BFAR: variants seen among roughly 807,000 people sequenced by gnomAD.
BFAR encodes RING finger protein 47.
A neutral mutation model predicts 54.4 loss-of-function variants in BFAR; 52 were observed. The ratio of observed to expected loss-of-function variants is 0.96; its 90% confidence interval spans 0.77 to 1.21. BFAR has a LOEUF of 1.21. Ranked by LOEUF, BFAR falls within the 50% of genes most tolerant of loss-of-function variation. BFAR has a pLI of 0.00. For missense variants in BFAR, 571 were observed against 534.0 expected (o/e 1.07, Z -0.68); for synonymous variants, 215 against 204.3 (o/e 1.05, Z -0.45).
rs201642552 is a variant in BFAR, at chr16:14,655,065, G to A, written c.639-1G>A. On this transcript the variant is annotated splice_acceptor_variant, in intron 4 of 7. Coordinates refer to ENST00000261658, the MANE Select transcript of BFAR (RefSeq NM_016561.3). LOFTEE classifies it high-confidence loss of function. Reference sequence around the variant, plus strand: ...ATAAATCTCCTCCTGCCCCTCTACAGGTTGCTTTTAACTTTGACAGAGGAA... The same window carrying A: ...ATAAATCTCCTCCTGCCCCTCTACAAGTTGCTTTTAACTTTGACAGAGGAA... 2.2e-5 allele frequency: 35 copies of A among 1,602,858 alleles called. No individual in the cohort carries two copies. The East Asian group carries it at 6.5e-4, about 30-fold the overall frequency.
chr16:14,639,396 G>A lies in BFAR; in HGVS notation c.-73-4878G>A, dbSNP rs114753340. 7.9e-3 allele frequency among the ~76,000 whole-genome samples: 1,205 copies of A among 151,692 alleles called. 20 individuals are homozygous for A. The highest frequency in any genetic ancestry group is 0.027 in the African/African-American group (1,134 of 41,320). On this transcript the variant is annotated intron_variant, in intron 1 of 7. Transcript: ENST00000261658. ...AATCTTGTATCACTGCATCCTCCAC[G>A]TCCTGGGTGCAAATGATTATCCTGC...
intron 6 of BFAR, 32 bp downstream of exon 6, chr16:14,662,097 T>C (rs367786887): frequency 1.9e-4 from 307 of 1,610,966 alleles, no homozygotes; most frequent in Middle Eastern, 3.3e-4. Flanking sequence ...AATAAAGTTA[T>C]TCCACTGTCA....
chr16:14,641,466 G>T (rs1959624586), intron 1 of BFAR, among the ~76,000 whole-genome samples: 1 of 151,968 alleles, frequency 6.6e-6, no homozygotes, highest in Admixed American at 6.6e-5. Flanking sequence ...GTGCAGGAGG[G>T]TGTGAACCCA....
chr16:14,650,800 C>A (rs912883506), intron 4 of BFAR, among the ~76,000 whole-genome samples: 5 of 152,124 alleles, frequency 3.3e-5, no homozygotes, highest in Admixed American at 6.6e-5. Context: ...ATGCTATGAT[C>A]GTTCATGTGC....
intron 4 of BFAR, among the ~76,000 whole-genome samples, chr16:14,651,755 T>C (rs951128183): frequency 6.6e-6 from 1 of 151,938 alleles, no homozygotes; most frequent in Non-Finnish European, 1.5e-5. Flanking sequence ...GTTGTGATTA[T>C]AGGCATGAGC....
chr16:14,664,896 T>C lies in BFAR; in HGVS notation c.985T>C (p.Trp329Arg), dbSNP rs760068553. 20 of 1,613,934 alleles carry C rather than the reference T, an allele frequency of 1.2e-5. No individual in the cohort carries two copies. The highest frequency in any genetic ancestry group is 2.7e-5 in the African/African-American group (2 of 74,934). ...LDLKEPTWKQ[W>R]REFLVKYSFL... ...TCTTAAGGAGCCTACGTGGAAGCAG[T>C]GGAGAGAGTTCCTGGTCAAATACTC... Residue 329 changes from tryptophan (W) to arginine (R), a missense_variant, in exon 7 of 8, where the codon TGG becomes CGG. Coordinates refer to ENST00000261658, the MANE Select transcript of BFAR (RefSeq NM_016561.3).
At position 14,662,046 on chromosome 16, in the gene BFAR, A is replaced by T; in HGVS notation, c.938A>T (p.Asp313Val). The change falls in exon 6 of 8, where the codon GAC (aspartate) becomes GTC (valine). Residue 313 changes from aspartate (D) to valine (V), a missense_variant. Transcript: ENST00000261658. ...CPLQEDSSGE[D>V]IVTKLLDLKE... ...CTGCAAGAAGACAGCTCTGGGGAGG[A>T]CATCGTCACCAAGCTTCTGGTAGGT... 6.2e-7 allele frequency: 1 copy of T among 1,614,164 alleles called. No homozygotes were observed. The highest frequency in any genetic ancestry group is 8.5e-7 in the Non-Finnish European group (1 of 1,180,030).
chr16:14,654,827 A>G (rs1234617809), intron 4 of BFAR, among the ~76,000 whole-genome samples: 1 of 152,192 alleles, frequency 6.6e-6, no homozygotes, highest in Non-Finnish European at 1.5e-5. Flanking sequence ...AAAGCAGCAT[A>G]ATGCCACTAC....
rs1019287547 is a variant in BFAR at position 14,639,169 on chromosome 16, G to A, written c.-73-5105G>A. On this transcript the variant is annotated intron_variant, in intron 1 of 7. Coordinates refer to ENST00000261658, the MANE Select transcript of BFAR (RefSeq NM_016561.3). The stretch of plus-strand genomic sequence containing the variant: ...AAAAACAAGTTCCTTTGTAGAGACC[G>A]GGTTTCACCATGTTGCCCAGGCTGG... Among the ~76,000 whole-genome samples the A allele has an allele frequency of 3.9e-5, 6 of 152,200 alleles. No individual in the cohort carries two copies. In the South Asian group the frequency reaches 1.0e-3, roughly 26 times the overall value.
chr16:14,663,125 G>A (rs1480236002), intron 6 of BFAR, among the ~76,000 whole-genome samples: 1 of 152,202 alleles, frequency 6.6e-6, no homozygotes, highest in Non-Finnish European at 1.5e-5. Flanking sequence ...GCGCCGGGCT[G>A]TCTGCCTGTG....
chr16:14,667,354 A>C lies in BFAR; in HGVS notation c.1161-281A>C, dbSNP rs1960469919. 1.2e-5 allele frequency: 5 copies of C among 430,186 alleles called. No individual in the cohort carries two copies. The Admixed American group carries it at 1.5e-4, about 13-fold the overall frequency. The allele number at this position is 430,186 out of a possible 1,614,324, so 26.6% of individuals were successfully genotyped here. ...GAGACCCTGTCTCAAAAGGAAAAAA[A>C]AATATGTAAATGTAACAAAGTGATG... On this transcript the variant is annotated intron_variant, in intron 7 of 7. Coordinates refer to ENST00000261658, the MANE Select transcript of BFAR (RefSeq NM_016561.3).
Position 14,633,009 on chromosome 16 carries a change from G to C in BFAR, c.-83G>C, listed in dbSNP as rs533564461. On this transcript the variant is annotated 5_prime_UTR_variant, in exon 1 of 8. Transcript: ENST00000261658. ...AATAATGGCCCGGTTGGCCCGGGAC[G>C]AGTGGAATGGTAAGCCGCGACACGG... 1 of 152,982 alleles carries C rather than the reference G, an allele frequency of 6.5e-6. No individual in the cohort carries two copies. Among genetic ancestry groups the C allele is most frequent in the South Asian group, 2.0e-4 (1 of 5,012 alleles). 9.5% of individuals were successfully genotyped at this position (152,982 alleles called of 1,614,324 possible).
chr16:14,663,302 G>A (rs1021038105), intron 6 of BFAR, among the ~76,000 whole-genome samples: 5 of 148,936 alleles, frequency 3.4e-5, no homozygotes, highest in South Asian at 2.1e-4. Flanking sequence ...CAATTTTAAC[G>A]AGCTCCAACA....
At chr16:14,638,127 A>G (rs1837831446) in intron 1 of BFAR, among the ~76,000 whole-genome samples, 1 of 152,192 alleles carries the variant, frequency 6.6e-6, no homozygotes, top group Admixed American at 6.6e-5. Flanking sequence ...CTCATGCCAT[A>G]ATCCCAGCCC....
rs139629502 is a variant in BFAR at position 14,662,938 on chromosome 16, G to T, written c.957+873G>T. 2.7e-3 allele frequency among the ~76,000 whole-genome samples: 412 copies of T among 152,246 alleles called. 4 individuals carry two copies. Among genetic ancestry groups the T allele is most frequent in the Non-Finnish European group, 5.0e-3 (340 of 68,030 alleles). ...CTAAGGGAGTCCACATGAGAGGGTC[G>T]TGATCAATGGAGCAAGCAGTGGGAT... On this transcript the variant is annotated intron_variant, in intron 6 of 7. Transcript: ENST00000261658.
At chr16:14,650,388 C>T (rs1030649408) in intron 4 of BFAR, 2 of 154,846 alleles carry the variant, frequency 1.3e-5, no homozygotes, top group African/African-American at 4.8e-5. Flanking sequence ...AGTGCACAAT[C>T]CATGGTTTTT....
intron 3 of BFAR, 48 bp downstream of exon 3, chr16:14,648,640 C>T (rs756104493): frequency 5.4e-5 from 68 of 1,252,716 alleles, no homozygotes; most frequent in Non-Finnish European, 7.1e-5. Context: ...CCTCACCCCC[C>T]GACCCCTGAT....
intron 6 of BFAR, 56 bp downstream of exon 6, chr16:14,662,121 G>A (rs1417578278): frequency 6.3e-7 from 1 of 1,590,290 alleles, no homozygotes; most frequent in African/African-American, 1.3e-5. Context: ...TATTTGCAGA[G>A]ATTGCTACCC....
intron 1 of BFAR, among the ~76,000 whole-genome samples, chr16:14,635,157 A>G (rs1374361643): frequency 6.6e-6 from 1 of 152,182 alleles, no homozygotes; most frequent in Non-Finnish European, 1.5e-5. Context: ...ATACATGGTG[A>G]AACCCTGTCT....
Sources: gnomAD v4.1 joint callset for allele counts (sites outside exome capture counted in the v4.1 genomes callset) on GRCh38, gnomAD v4.1.1 for gene constraint, MANE v1.5 for transcripts, NCBI Gene and HGNC (gene_info 2026-07-23, HGNC 2026-07-21) for gene names.